The following HS3ST2 variants were observed in gnomAD, a reference collection of about 807,000 sequenced individuals.
HS3ST2 encodes heparan sulfate glucosamine 3-O-sulfotransferase 2.
In HS3ST2, 17 loss-of-function variants were observed where a neutral mutation model predicts 26.3. The ratio of observed to expected loss-of-function variants is 0.65; its 90% CI spans 0.44 to 0.97. The LOEUF (loss-of-function observed/expected upper bound fraction) is 0.97, where lower values mean the gene tolerates loss of function less well. HS3ST2 is among the 50% of genes least tolerant of loss of function. HS3ST2 has a pLI of 0.00. For synonymous variants in HS3ST2, 237 were observed against 219.2 expected (o/e 1.08, Z -0.72); for missense variants, 402 against 501.2 (o/e 0.80, Z 1.89).
At chr16:22,898,973 C>T (rs995030836) in intron 1 of HS3ST2, among the ~76,000 whole-genome samples, 6 of 152,182 alleles carry the variant, frequency 3.9e-5, no homozygotes, top group African/African-American at 1.2e-4. Context: ...GCTCCAACCA[C>T]TGCAATTGGA....
intron 1 of HS3ST2, among the ~76,000 whole-genome samples, chr16:22,894,262 G>A (rs1596629114): frequency 6.6e-6 from 1 of 152,144 alleles, no homozygotes; most frequent in African/African-American, 2.4e-5. Flanking sequence ...GCCTCACCCC[G>A]TTCTTCTCTG....
rs199559930 is a variant in HS3ST2, at chr16:22,860,265, A to AAG, written c.485+45179_485+45180dup. Among the ~76,000 whole-genome samples, 725 of 152,260 alleles carry AAG rather than the reference A, an allele frequency of 4.8e-3. 4 individuals are homozygous for AAG. The highest frequency in any genetic ancestry group is 9.0e-3 in the Admixed American group (138 of 15,296). ...AGGGACGTCTTACATGGCGTCCGGC[A>AAG]AGAGAGAGAGCTTGTGTAGGGGAAC... On this transcript the variant is annotated intron_variant, in intron 1 of 1. Coordinates refer to ENST00000261374, the MANE Select transcript of HS3ST2 (RefSeq NM_006043.2).
intron 1 of HS3ST2, among the ~76,000 whole-genome samples, chr16:22,829,694 C>T (rs1012951977): frequency 6.6e-6 from 1 of 152,166 alleles, no homozygotes; most frequent in African/African-American, 2.4e-5. Flanking sequence ...CTGCTTCTGC[C>T]ATGGCTGTGG....
intron 1 of HS3ST2, among the ~76,000 whole-genome samples, chr16:22,842,167 T>C: frequency 6.6e-6 from 1 of 151,680 alleles, no homozygotes; most frequent in Middle Eastern, 3.2e-3. Context: ...GTCCAAGTGA[T>C]TCTCCTGCCT....
chr16:22,885,756 T>C (rs1031965910), intron 1 of HS3ST2, among the ~76,000 whole-genome samples: 3 of 152,094 alleles, frequency 2.0e-5, no homozygotes, highest in African/African-American at 7.2e-5. Flanking sequence ...GCGCCCAGCC[T>C]AGTCCTTAAT....
At chr16:22,862,604 T>C (rs1901695515) in intron 1 of HS3ST2, among the ~76,000 whole-genome samples, 1 of 152,156 alleles carries the variant, frequency 6.6e-6, no homozygotes, top group Non-Finnish European at 1.5e-5. Context: ...GGATCAGAGT[T>C]CATTTTCAGG....
At chr16:22,839,319 A>T (rs986261114) in intron 1 of HS3ST2, among the ~76,000 whole-genome samples, 1 of 152,236 alleles carries the variant, frequency 6.6e-6, no homozygotes, top group African/African-American at 2.4e-5. Context: ...TGCATGAAAG[A>T]CTGAAAGGGG....
intron 1 of HS3ST2, among the ~76,000 whole-genome samples, chr16:22,828,400 T>C (rs560447413): frequency 3.9e-5 from 6 of 152,248 alleles, no homozygotes; most frequent in African/African-American, 1.4e-4. Context: ...GTGGCTGCCA[T>C]GATGACACTG....
chr16:22,889,316 C>T (rs1166054333), intron 1 of HS3ST2, among the ~76,000 whole-genome samples: 1 of 152,108 alleles, frequency 6.6e-6, no homozygotes, highest in Non-Finnish European at 1.5e-5. Flanking sequence ...AGGGAAGTTG[C>T]GAAGGGCATC....
rs962844347 is a variant in HS3ST2 at position 22,916,151 on chromosome 16, C to A, written c.*589C>A. 3.3e-5 allele frequency: 5 copies of A among 153,592 alleles called. No individual in the cohort carries two copies. The highest frequency in any genetic ancestry group is 1.2e-4 in the African/African-American group (5 of 41,436). 9.5% of individuals were successfully genotyped at this position (153,592 alleles called of 1,614,324 possible). On this transcript the variant is annotated 3_prime_UTR_variant, in exon 2 of 2. Coordinates refer to ENST00000261374, the MANE Select transcript of HS3ST2 (RefSeq NM_006043.2). Reference sequence around the variant, plus strand: ...TGAAATAAACCAGTGACTTCAGAGCCTATGGTCTCAACTGTGCTTGAAAAA... The same window carrying A: ...TGAAATAAACCAGTGACTTCAGAGCATATGGTCTCAACTGTGCTTGAAAAA...
chr16:22,860,587 A>G (rs1014253012), intron 1 of HS3ST2, among the ~76,000 whole-genome samples: 1 of 152,256 alleles, frequency 6.6e-6, no homozygotes, highest in South Asian at 2.1e-4. Context: ...TCCCACCTCT[A>G]GGCAGGAATT....
At chr16:22,858,759 T>C (rs1901637143) in intron 1 of HS3ST2, among the ~76,000 whole-genome samples, 1 of 152,108 alleles carries the variant, frequency 6.6e-6, no homozygotes, top group Non-Finnish European at 1.5e-5. Context: ...AGGAAAATGG[T>C]TCCTTCACTG....
chr16:22,844,629 C>G (rs1901404851), intron 1 of HS3ST2, among the ~76,000 whole-genome samples: 1 of 152,094 alleles, frequency 6.6e-6, no homozygotes, highest in Non-Finnish European at 1.5e-5. Flanking sequence ...CCTGGCTGTT[C>G]TCGTGATGGT....
chr16:22,865,185 C>G lies in HS3ST2; in HGVS notation c.486-49759C>G, dbSNP rs139083809. Among the ~76,000 whole-genome samples, 20 of 151,586 alleles carry G rather than the reference C, an allele frequency of 1.3e-4. No individual in the cohort carries two copies. In the East Asian group the frequency reaches 3.9e-3, roughly 29 times the overall value. ...AAACCTCATTTAAGAAGATAGTTTTCTAGAAAAAAATATTGACTCAAGAAA... is the reference window on the plus strand; with the variant it reads ...AAACCTCATTTAAGAAGATAGTTTTGTAGAAAAAAATATTGACTCAAGAAA... On this transcript the variant is annotated intron_variant, in intron 1 of 1. Coordinates refer to ENST00000261374, the MANE Select transcript of HS3ST2 (RefSeq NM_006043.2).
intron 1 of HS3ST2, among the ~76,000 whole-genome samples, chr16:22,898,860 A>G (rs1237706626): frequency 6.6e-6 from 1 of 152,130 alleles, no homozygotes; most frequent in East Asian, 1.9e-4. Context: ...ACCCCTTGCA[A>G]TCATGGAGCT....
intron 1 of HS3ST2, chr16:22,833,243 C>T (rs1486843921): frequency 6.6e-6 from 3 of 455,934 alleles, no homozygotes; most frequent in Non-Finnish European, 1.3e-5. Flanking sequence ...CCATTTTTCA[C>T]TTGGGTGAAG....
chr16:22,898,053 C>G (rs1482279352), intron 1 of HS3ST2, among the ~76,000 whole-genome samples: 1 of 152,214 alleles, frequency 6.6e-6, no homozygotes, highest in Non-Finnish European at 1.5e-5. Context: ...CAGGAGCTCA[C>G]GTCTTCTTGA....
chr16:22,841,082 G>A (rs1018884632), intron 1 of HS3ST2, among the ~76,000 whole-genome samples: 9 of 149,988 alleles, frequency 6.0e-5, no homozygotes, highest in African/African-American at 2.2e-4. Context: ...TTTTGTCCTT[G>A]TGAGGGTCTC....
chr16:22,874,223 G>C (rs745989635), intron 1 of HS3ST2, among the ~76,000 whole-genome samples: 1 of 152,206 alleles, frequency 6.6e-6, no homozygotes, highest in East Asian at 1.9e-4. Context: ...TGTCAACTGA[G>C]CGTTAGGATT....
Sources: gnomAD v4.1 joint callset for allele counts (sites outside exome capture counted in the v4.1 genomes callset) on GRCh38, gnomAD v4.1.1 for gene constraint, MANE v1.5 for transcripts, NCBI Gene and HGNC (gene_info 2026-07-23, HGNC 2026-07-21) for gene names.